Variants in CDK14 observed in about 807,000 individuals in gnomAD.
CDK14 encodes cyclin dependent kinase 14, also known as cyclin-dependent kinase 14.
CDK14 carries 34 observed loss-of-function variants against 60.7 expected under a neutral mutation model. The ratio of observed to expected loss-of-function variants is 0.56; its 90% CI spans 0.43 to 0.75. The LOEUF is 0.75. CDK14 is among the 30% of genes least tolerant of loss of function. The pLI is 0.00. For synonymous variants in CDK14, 197 were observed against 203.7 expected (o/e 0.97, Z 0.28); for missense variants, 482 against 564.1 (o/e 0.85, Z 1.47).
chr7:90,787,748 AC>A (rs1488900898), intron 4 of CDK14, among the ~76,000 whole-genome samples: 1 of 152,196 alleles, frequency 6.6e-6, no homozygotes, highest in African/African-American at 2.4e-5. Context: ...AGTGTCATGA[AC>A]TGTTGAGATG....
chr7:90,660,936 AC>A (rs1800854557), intron 2 of CDK14, among the ~76,000 whole-genome samples: 1 of 152,164 alleles, frequency 6.6e-6, no homozygotes, highest in African/African-American at 2.4e-5. Context: ...TTTCTTGAAT[AC>A]CTTTTTGTGG....
chr7:90,776,457 A>T (rs930976280), intron 4 of CDK14, among the ~76,000 whole-genome samples: 1 of 152,208 alleles, frequency 6.6e-6, no homozygotes, highest in African/African-American at 2.4e-5. Flanking sequence ...CTCAAAACCG[A>T]ACAATCAAAC....
At position 90,707,006 on chromosome 7, in the gene CDK14, G is replaced by A. The variant is rs150371884; in HGVS notation, c.124-19561G>A. On this transcript the variant is annotated intron_variant, in intron 2 of 14. Transcript: ENST00000380050. ...GCCTCCCCATTTCTTTTCACTGAGG[G>A]CACTGCCCCCAATAAATTGTAAGAT... Among the ~76,000 whole-genome samples the A allele has an allele frequency of 3.2e-3, 483 of 151,984 alleles. 1 individual carries two copies. The highest frequency in any genetic ancestry group is 4.8e-3 in the Non-Finnish European group (329 of 67,940).
chr7:90,797,872 A>C (rs904581583), intron 5 of CDK14, among the ~76,000 whole-genome samples: 6 of 151,970 alleles, frequency 3.9e-5, no homozygotes, highest in Non-Finnish European at 7.4e-5. Context: ...AAACCACCCC[A>C]GATCCAATCA....
At chr7:90,923,264 C>T (rs1793307235) in intron 8 of CDK14, among the ~76,000 whole-genome samples, 1 of 151,944 alleles carries the variant, frequency 6.6e-6, no homozygotes, top group Non-Finnish European at 1.5e-5. Flanking sequence ...CGCCCACCAC[C>T]ACTCCTGGCT....
chr7:91,064,349 C>G (rs1483107153), intron 11 of CDK14, among the ~76,000 whole-genome samples: 1 of 152,174 alleles, frequency 6.6e-6, no homozygotes, highest in Non-Finnish European at 1.5e-5. Flanking sequence ...GACTCCAGAT[C>G]TACACTGTCT....
chr7:90,698,067 C>CAAAAAAAAAAAA (rs71104484), intron 2 of CDK14, among the ~76,000 whole-genome samples: 5 of 75,736 alleles, frequency 6.6e-5, no homozygotes, highest in African/African-American at 1.7e-4. Context: ...GACTCTGTCT[C>CAAAAAAAAAAAA]AAAAAAAAAA....
At chr7:91,182,452 T>C (rs2115886605) in intron 14 of CDK14, among the ~76,000 whole-genome samples, 1 of 152,148 alleles carries the variant, frequency 6.6e-6, no homozygotes, top group Middle Eastern at 3.4e-3. Context: ...GTCAGATTGA[T>C]AAAATAAGGT....
intron 14 of CDK14, among the ~76,000 whole-genome samples, chr7:91,159,520 T>G (rs1801100315): frequency 6.6e-6 from 1 of 152,218 alleles, no homozygotes; most frequent in Non-Finnish European, 1.5e-5. Context: ...TAATTATCAA[T>G]TACCCATAGC....
intron 8 of CDK14, among the ~76,000 whole-genome samples, chr7:90,943,444 A>G (rs758708): frequency 0.83 from 125,755 of 151,812 alleles, 52,237 homozygotes; most frequent in East Asian, 0.95. Flanking sequence ...TTAGAGGAGA[A>G]ATTAATTCTT....
intron 1 of CDK14, 78 bp downstream of exon 1, chr7:90,596,796 C>G: frequency 1.6e-6 from 2 of 1,226,556 alleles, no homozygotes; most frequent in South Asian, 1.3e-5. Context: ...CTGGCACCAG[C>G]CATGCAGCTG....
At chr7:90,942,302 T>G (rs187845352) in intron 8 of CDK14, among the ~76,000 whole-genome samples, 102 of 152,300 alleles carry the variant, frequency 6.7e-4, no homozygotes, top group African/African-American at 2.3e-3. Flanking sequence ...CTGGGAAGTC[T>G]CATCTTAGAT....
chr7:90,789,451 C>A (rs958081861), intron 4 of CDK14, among the ~76,000 whole-genome samples: 2 of 151,876 alleles, frequency 1.3e-5, no homozygotes, highest in Non-Finnish European at 2.9e-5. Flanking sequence ...TTTGAGGTTT[C>A]TGCATCTAGA....
intron 3 of CDK14, among the ~76,000 whole-genome samples, chr7:90,743,518 G>A (rs35148959): frequency 0.24 from 36,704 of 151,918 alleles, 4,597 homozygotes; most frequent in South Asian, 0.32. Flanking sequence ...TAATTAAGCC[G>A]CTGTTTCTAG....
intron 2 of CDK14, among the ~76,000 whole-genome samples, chr7:90,664,724 G>A (rs1800936233): frequency 6.6e-6 from 1 of 150,988 alleles, no homozygotes; most frequent in South Asian, 2.1e-4. Context: ...TCACTCATAG[G>A]TGGTAATCGA....
At chr7:90,884,759 A>G (rs1454084875) in intron 6 of CDK14, among the ~76,000 whole-genome samples, 6 of 152,178 alleles carry the variant, frequency 3.9e-5, no homozygotes, top group Admixed American at 3.9e-4. Context: ...GGAGCAGGAC[A>G]TAGATCTCAG....
At chr7:90,777,816 A>G (rs2116917477) in intron 4 of CDK14, among the ~76,000 whole-genome samples, 1 of 152,102 alleles carries the variant, frequency 6.6e-6, no homozygotes, top group East Asian at 1.9e-4. Context: ...CCAAAGTAAA[A>G]AAACTCCCTG....
intron 2 of CDK14, among the ~76,000 whole-genome samples, chr7:90,672,502 G>GT (rs201978996): frequency 4.2e-4 from 21 of 49,990 alleles, no homozygotes; most frequent in Non-Finnish European, 5.5e-4. Context: ...TTCTTCTTCT[G>GT]TTTTTTTTTT....
intron 10 of CDK14, among the ~76,000 whole-genome samples, chr7:91,015,014 A>G (rs1239079718): frequency 6.6e-6 from 1 of 152,074 alleles, no homozygotes; most frequent in Non-Finnish European, 1.5e-5. Flanking sequence ...CATACTTAGT[A>G]TTTTTCTCTT....
Sources: allele counts gnomAD v4.1 joint callset (sites outside exome capture counted in the v4.1 genomes callset), GRCh38; gene constraint gnomAD v4.1.1; transcripts MANE v1.5; gene names NCBI Gene and HGNC (gene_info 2026-07-23, HGNC 2026-07-21).